Variants in FOXN4 observed in about 807,000 individuals in gnomAD.
The protein encoded by FOXN4 is forkhead box protein N4.
FOXN4 carries 12 observed loss-of-function variants against 45.0 expected under a neutral mutation model. The observed-to-expected ratio is 0.27, with a 90% CI of 0.17 to 0.43. The LOEUF (loss-of-function observed/expected upper bound fraction) is 0.43, where lower values mean the gene tolerates loss of function less well. FOXN4 is among the 20% of genes least tolerant of loss of function. FOXN4 has a pLI of 1.00. For missense variants in FOXN4, 560 were observed against 694.9 expected, an observed-to-expected ratio of 0.81 and a Z score of 2.18; for synonymous variants, 297 against 295.0, an observed-to-expected ratio of 1.01 and a Z score of -0.07.
At chr12:109,285,558 C>G in intron 7 of FOXN4, 47 bp from the exon 8 acceptor site, 2 of 1,605,576 alleles carry the variant, frequency 1.2e-6, no homozygotes, top group Non-Finnish European at 1.7e-6. Context: ...AAGCCCTTCC[C>G]CCTACCCCGG....
rs2047735508 is a variant in FOXN4, at chr12:109,288,324, T to C, written c.233-144A>G. 1 of 1,151,496 alleles carries C rather than the reference T, an allele frequency of 8.7e-7. No individual in the cohort carries two copies. Among genetic ancestry groups the C allele is most frequent in the Admixed American group, 3.1e-5 (1 of 32,452 alleles). 71.3% of individuals were successfully genotyped at this position (1,151,496 alleles called of 1,614,324 possible). A position where few individuals can be genotyped will look rare whatever the true frequency, so the allele number is the denominator to read the frequency against. The stretch of plus-strand genomic sequence containing the variant: ...ACATAGTAGGTGCTTGGCAAATCAC[T>C]TCCCTGGTGTGTAGTGAAAAGTAGG... On this transcript the variant is annotated intron_variant, in intron 3 of 9. Transcript: ENST00000299162. The surrounding 1 kb of genome is among the most constrained non-coding windows in gnomAD (Gnocchi z 4.3).
Position 109,279,668 on chromosome 12 carries a change from A to G in FOXN4, c.*3T>C, listed in dbSNP as rs529778555. The G allele has an allele frequency of 2.3e-4, 360 of 1,571,294 alleles. 2 individuals carry two copies. The African/African-American group carries it at 4.3e-3, about 19-fold the overall frequency. ...GGGTTCCAGGGCAGGTGAGGCTGAC[A>G]GCTCAAAGCAGGGCTATAGGCTTGT... is the stretch of plus-strand genomic sequence containing the variant. On this transcript the variant is annotated 3_prime_UTR_variant, in exon 10 of 10. Coordinates refer to ENST00000299162, the MANE Select transcript of FOXN4 (RefSeq NM_213596.3).
chr12:109,287,534 G>A lies in FOXN4; in HGVS notation c.469-10C>T, dbSNP rs1189542865. 4.0e-6 allele frequency: 6 copies of A among 1,514,028 alleles called. No homozygotes were observed. In the East Asian group the frequency reaches 1.2e-4, roughly 31 times the overall value. 93.8% of individuals were successfully genotyped at this position (1,514,028 alleles called of 1,614,324 possible). A position where few individuals can be genotyped will look rare whatever the true frequency, so the allele number is the denominator to read the frequency against. On this transcript the variant is annotated splice_polypyrimidine_tract_variant and intron_variant, in intron 5 of 9. Transcript: ENST00000299162. This position sits in a 1 kb window ranked among gnomAD's most constrained non-coding sequence, Gnocchi z 4.1. ...GGCCCACAGGAGGGCACTTCCCACA[G>A]GCAGGGGCAGGGAGAAAGTGGCAGA... is the stretch of plus-strand genomic sequence containing the variant.
In FOXN4 at chr12:109,287,294, A is replaced by G. The variant is rs1462761871; in HGVS notation, c.596+103T>C. ...CACTCCCCAAAACCTCCCCCTTGGA[A>G]GTCTGGGCTGCCACACTAGCTGTCT... On this transcript the variant is annotated intron_variant, in intron 6 of 9. Coordinates refer to ENST00000299162, the MANE Select transcript of FOXN4 (RefSeq NM_213596.3). The surrounding 1 kb of genome is among the most constrained non-coding windows in gnomAD (Gnocchi z 4.1). The G allele has an allele frequency of 6.9e-7, 1 of 1,452,412 alleles. No homozygotes were observed. Among genetic ancestry groups the G allele is most frequent in the African/African-American group, 1.4e-5 (1 of 70,370 alleles). 90.0% of individuals were successfully genotyped at this position (1,452,412 alleles called of 1,614,324 possible). A position where few individuals can be genotyped will look rare whatever the true frequency, so the allele number is the denominator to read the frequency against.
In FOXN4 at chr12:109,281,592, T is replaced by C. The variant is rs1391400571; in HGVS notation, c.1109A>G (p.His370Arg). ...PLHHQVQPQA[H>R]LAPDSPAPAQ... ...TGGTGCTGGAGAGTCTGGAGCAAGA[T>C]GTGCCTGGGGCTGGACCTGGTGGTG... Residue 370 changes from histidine to arginine, a missense_variant, in exon 9 of 10, where the codon CAT becomes CGT. By Grantham distance (29) the His-to-Arg change is conservative (BLOSUM62 0). Around this residue, in one of 5 missense-constraint regions of FOXN4, gnomAD observed 315 missense variants for 350.5 expected, o/e 0.90. Coordinates refer to ENST00000299162, the MANE Select transcript of FOXN4 (RefSeq NM_213596.3). 6.2e-7 allele frequency: 1 copy of C among 1,607,356 alleles called. No individual in the cohort carries two copies. The highest frequency in any genetic ancestry group is 1.7e-5 in the Admixed American group (1 of 58,736).
chr12:109,304,188 C>CAA (rs560597615), intron 2 of FOXN4, among the ~76,000 whole-genome samples: 23 of 51,122 alleles, frequency 4.5e-4, no homozygotes, highest in Middle Eastern at 0.022. Flanking sequence ...CAGACTCCGT[C>CAA]AAAAAAAAAA....
rs1244014718 is a variant in FOXN4, at chr12:109,291,520, G to A, written c.87-1234C>T. ...CCTCTCGGAGGCTCCAGCAAAGCCC[G>A]GCCCCTTCCCTCCCTCCATCTGCTT... On this transcript the variant is annotated intron_variant, in intron 2 of 9. Transcript: ENST00000299162. This position sits in a 1 kb window ranked among gnomAD's most constrained non-coding sequence, Gnocchi z 6.6. 6.6e-6 allele frequency among the ~76,000 whole-genome samples: 1 copy of A among 152,004 alleles called. No individual in the cohort carries two copies.
Position 109,288,599 on chromosome 12 carries a change from G to A in FOXN4, c.233-419C>T, listed in dbSNP as rs2047737745. Among the ~76,000 whole-genome samples, 1 of 152,098 alleles carries A rather than the reference G, an allele frequency of 6.6e-6. No individual in the cohort carries two copies. Among genetic ancestry groups the A allele is most frequent in the Non-Finnish European group, 1.5e-5 (1 of 68,026 alleles). On this transcript the variant is annotated intron_variant, in intron 3 of 9. Transcript: ENST00000299162. This position sits in a 1 kb window ranked among gnomAD's most constrained non-coding sequence, Gnocchi z 4.3. ...TTCTTTTCCTCAAAAACATGCCATG[G>A]CTCCCGAGTGCCTCTAGGTTTAGGT...
At chr12:109,293,124 C>T (rs1021674220) in intron 2 of FOXN4, among the ~76,000 whole-genome samples, 1 of 152,186 alleles carries the variant, frequency 6.6e-6, no homozygotes, top group Non-Finnish European at 1.5e-5. Flanking sequence ...CCCCTGGAGG[C>T]TCACTGCAAA....
chr12:109,280,342 CAAAAAAA>C (rs34879457), intron 9 of FOXN4, among the ~76,000 whole-genome samples: 1 of 53,532 alleles, frequency 1.9e-5, no homozygotes, highest in Non-Finnish European at 3.4e-5. Flanking sequence ...GACTCCACCT[CAAAAAAA>C]AAAAAAAAAA....
In FOXN4 at chr12:109,287,740, A is replaced by G. The variant is rs2047727849; in HGVS notation, c.468+104T>C. 6 of 1,184,278 alleles carry G rather than the reference A, an allele frequency of 5.1e-6. No individual in the cohort carries two copies. In the South Asian group the frequency reaches 7.9e-5, roughly 16 times the overall value. The allele number at this position is 1,184,278 out of a possible 1,614,324, so 73.4% of individuals were successfully genotyped here. ...ATGACATGAGCATGGAGGGAATGTT[A>G]TCCCCATGTGCTGGGTGAGTAAACT... On this transcript the variant is annotated intron_variant, in intron 5 of 9. Transcript: ENST00000299162. This position sits in a 1 kb window ranked among gnomAD's most constrained non-coding sequence, Gnocchi z 4.1.
Position 109,279,352 on chromosome 12 carries a change from A to T in FOXN4, c.*319T>A, listed in dbSNP as rs917263068. The stretch of plus-strand genomic sequence containing the variant: ...CCAGGATCCAGGATGGAGAAGTCTC[A>T]CTCAACACGGGCAGGCATTGCGGCT... On this transcript the variant is annotated 3_prime_UTR_variant, in exon 10 of 10. Transcript: ENST00000299162. 2 of 410,108 alleles carry T rather than the reference A, an allele frequency of 4.9e-6. No homozygotes were observed. Among genetic ancestry groups the T allele is most frequent in the Non-Finnish European group, 9.1e-6 (2 of 220,190 alleles). The allele number at this position is 410,108 out of a possible 1,614,324, so 25.4% of individuals were successfully genotyped here.
intron 9 of FOXN4, 82 bp downstream of exon 9, chr12:109,281,325 C>T: frequency 1.3e-6 from 2 of 1,517,636 alleles, no homozygotes; most frequent in Non-Finnish European, 1.8e-6. Context: ...GCAGGCAGTA[C>T]AGTCCTCTCC....
At chr12:109,280,525 A>G (rs1435985402) in intron 9 of FOXN4, among the ~76,000 whole-genome samples, 2 of 152,182 alleles carry the variant, frequency 1.3e-5, no homozygotes, top group Non-Finnish European at 2.9e-5. Flanking sequence ...AGGACTTGTG[A>G]AAAGCATTTA....
intron 8 of FOXN4, among the ~76,000 whole-genome samples, chr12:109,285,096 G>A (rs935762285): frequency 3.3e-5 from 5 of 149,310 alleles, no homozygotes; most frequent in East Asian, 2.0e-4. Context: ...CCCATGCTCC[G>A]GTGGATGGCA....
chr12:109,288,719 G>A lies in FOXN4; in HGVS notation c.233-539C>T, dbSNP rs2047739082. ...ACATACTTCCCCCATCTTGTGCTGG[G>A]CTTGTGACAGACATTGCTAATCTAT... On this transcript the variant is annotated intron_variant, in intron 3 of 9. Transcript: ENST00000299162. The surrounding 1 kb of genome is among the most constrained non-coding windows in gnomAD (Gnocchi z 4.3). Among the ~76,000 whole-genome samples the A allele has an allele frequency of 6.6e-6, 1 of 152,202 alleles. No individual in the cohort carries two copies. Among genetic ancestry groups the A allele is most frequent in the Non-Finnish European group, 1.5e-5 (1 of 68,034 alleles).
chr12:109,306,809 G>C (rs917250126), intron 2 of FOXN4, among the ~76,000 whole-genome samples: 4 of 152,214 alleles, frequency 2.6e-5, no homozygotes, highest in African/African-American at 9.6e-5. Flanking sequence ...GAGAAGTTGG[G>C]ATTATAATGG....
In FOXN4 at chr12:109,307,056, G is replaced by A. The variant is rs79376721; in HGVS notation, c.86+1180C>T. Among the ~76,000 whole-genome samples, 432 of 152,310 alleles carry A rather than the reference G, an allele frequency of 2.8e-3. 2 individuals are homozygous for A. The highest frequency in any genetic ancestry group is 4.2e-3 in the Non-Finnish European group (283 of 68,028). ...ACAGTAGGTGCTTGCAAACTGCCAC[G>A]TACCTGGCCCCAGCTCTGCACACAG... On this transcript the variant is annotated intron_variant, in intron 2 of 9. Transcript: ENST00000299162.
intron 2 of FOXN4, among the ~76,000 whole-genome samples, chr12:109,292,545 T>C (rs934687074): frequency 6.6e-6 from 1 of 152,210 alleles, no homozygotes; most frequent in Non-Finnish European, 1.5e-5. Flanking sequence ...TCGCATAGGA[T>C]GTCATAAGAA....
Sources: allele counts gnomAD v4.1 joint callset (sites outside exome capture counted in the v4.1 genomes callset), GRCh38; gene constraint gnomAD v4.1.1; regional missense constraint gnomAD v4.1.1; non-coding constraint Gnocchi (gnomAD v3.1); transcripts MANE v1.5; gene names NCBI Gene and HGNC (gene_info 2026-07-23, HGNC 2026-07-21).